The following CCDC148 variants were observed in gnomAD, a reference collection of about 807,000 sequenced individuals.
The protein encoded by CCDC148 is coiled-coil domain containing 148.
A neutral mutation model predicts 85.7 loss-of-function variants in CCDC148; 89 were observed. The observed-to-expected ratio is 1.04, with a 90% CI of 0.87 to 1.24. The LOEUF is 1.24. Ranked by LOEUF, CCDC148 falls within the 50% of genes most tolerant of loss-of-function variation. The probability of loss-of-function intolerance (pLI) is 0.00; values close to 1 mark genes in which losing one functional copy is unlikely to be tolerated. For missense variants in CCDC148, 692 were observed against 671.7 expected (o/e 1.03, Z -0.33); for synonymous variants, 230 against 213.9 (o/e 1.08, Z -0.66).
At chr2:158,345,644 A>G (rs1388595690) in intron 2 of CCDC148, among the ~76,000 whole-genome samples, 6 of 152,140 alleles carry the variant, frequency 3.9e-5, no homozygotes, top group African/African-American at 1.2e-4. Context: ...AAGAGGTTTC[A>G]TTTCTCCCCT....
intron 9 of CCDC148, among the ~76,000 whole-genome samples, chr2:158,256,164 CA>C (rs1379739790): frequency 6.6e-6 from 1 of 151,704 alleles, no homozygotes; most frequent in Non-Finnish European, 1.5e-5. Flanking sequence ...AATTTTACAT[CA>C]AAGTTGAGAG....
chr2:158,279,851 A>G (rs1690176169), intron 9 of CCDC148, among the ~76,000 whole-genome samples: 1 of 151,666 alleles, frequency 6.6e-6, no homozygotes, highest in East Asian at 1.9e-4. Context: ...GAAATGAAGG[A>G]AAAAATGTTA....
At chr2:158,336,746 C>T (rs926713578) in intron 7 of CCDC148, among the ~76,000 whole-genome samples, 1 of 152,036 alleles carries the variant, frequency 6.6e-6, no homozygotes, top group African/African-American at 2.4e-5. Flanking sequence ...TTTTCAAATT[C>T]AACTCAATTG....
chr2:158,256,790 C>T (rs939353662), intron 9 of CCDC148, among the ~76,000 whole-genome samples: 3 of 151,700 alleles, frequency 2.0e-5, no homozygotes, highest in Non-Finnish European at 2.9e-5. Flanking sequence ...GCCATTTGCT[C>T]CAGGAAGGCT....
chr2:158,290,440 G>C (rs1559047481), intron 9 of CCDC148, among the ~76,000 whole-genome samples: 1 of 152,112 alleles, frequency 6.6e-6, no homozygotes, highest in Non-Finnish European at 1.5e-5. Flanking sequence ...GCTCACTCCA[G>C]CCACACTGTT....
At chr2:158,292,013 T>C (rs1029030181) in intron 9 of CCDC148, among the ~76,000 whole-genome samples, 1 of 152,222 alleles carries the variant, frequency 6.6e-6, no homozygotes, top group Non-Finnish European at 1.5e-5. Flanking sequence ...ATGTCTTTTA[T>C]GGTCTTTTCA....
At chr2:158,182,069 A>G (rs1332479546) in intron 11 of CCDC148, among the ~76,000 whole-genome samples, 1 of 152,090 alleles carries the variant, frequency 6.6e-6, no homozygotes, top group Non-Finnish European at 1.5e-5. Context: ...TTTCTCTTAC[A>G]CAGTGAACAG....
At chr2:158,258,903 G>T (rs79728066) in intron 9 of CCDC148, among the ~76,000 whole-genome samples, 6,334 of 151,658 alleles carry the variant, frequency 0.042, 376 homozygotes, top group African/African-American at 0.13. Context: ...TGCTCATGGG[G>T]TAATGTGTAA....
chr2:158,220,658 T>G lies in CCDC148; in HGVS notation c.1307A>C (p.Asp436Ala), dbSNP rs377017642. 1.0e-5 allele frequency: 16 copies of G among 1,598,214 alleles called. No homozygotes were observed. In the East Asian group the frequency reaches 3.4e-4, roughly 34 times the overall value. The stretch of plus-strand genomic sequence containing the variant: ...CTTCAGTTCTTCTAGACGCTGAAGA[T>G]CTCTCATTTCCATTTCTTGCCACTT... ...KQKWQEMEMRDLQRLEELKKL... is the reference protein window; with the variant it reads ...KQKWQEMEMRALQRLEELKKL... Residue 436 changes from aspartate to alanine, a missense_variant, in exon 11 of 14, where the codon GAT becomes GCT. By Grantham distance (126) the Asp-to-Ala change is moderately radical (BLOSUM62 -2). Coordinates refer to ENST00000283233, the MANE Select transcript of CCDC148 (RefSeq NM_138803.4).
At chr2:158,311,656 T>G (rs1692026110) in intron 8 of CCDC148, among the ~76,000 whole-genome samples, 1 of 152,222 alleles carries the variant, frequency 6.6e-6, no homozygotes, top group African/African-American at 2.4e-5. Flanking sequence ...AGTTTTGGTA[T>G]TTTAACAATT....
chr2:158,196,600 C>T (rs12466131), intron 11 of CCDC148, among the ~76,000 whole-genome samples: 23,093 of 152,140 alleles, frequency 0.15, 2,227 homozygotes, highest in Non-Finnish European at 0.21. Flanking sequence ...GCTTTCCTTT[C>T]GATATGGTCC....
intron 10 of CCDC148, among the ~76,000 whole-genome samples, chr2:158,227,359 A>C (rs1182087263): frequency 6.6e-6 from 1 of 151,778 alleles, no homozygotes; most frequent in African/African-American, 2.4e-5. Context: ...AAGAATCAAT[A>C]TTGTGAAAAT....
chr2:158,315,635 T>C lies in CCDC148; in HGVS notation c.765-1741A>G, dbSNP rs192105784. The stretch of plus-strand genomic sequence containing the variant: ...GATTCACCTCTATAATGGATACTGT[T>C]GGTACCACACCCACATCGCCTTTAT... On this transcript the variant is annotated intron_variant, in intron 7 of 13. Transcript: ENST00000283233. Among the ~76,000 whole-genome samples the C allele has an allele frequency of 2.4e-3, 360 of 152,204 alleles. 1 individual carries two copies. The highest frequency in any genetic ancestry group is 4.0e-3 in the Non-Finnish European group (274 of 67,994).
chr2:158,398,486 C>T (rs1386549041), intron 1 of CCDC148, among the ~76,000 whole-genome samples: 1 of 152,140 alleles, frequency 6.6e-6, no homozygotes, highest in East Asian at 1.9e-4. Context: ...CTCAAAACCA[C>T]ACAACTACAT....
chr2:158,293,301 T>A (rs1440594953), intron 9 of CCDC148, among the ~76,000 whole-genome samples: 1 of 152,188 alleles, frequency 6.6e-6, no homozygotes, highest in Non-Finnish European at 1.5e-5. Context: ...ACTGGTAATA[T>A]ACCCTCATAG....
intron 1 of CCDC148, among the ~76,000 whole-genome samples, chr2:158,387,750 G>C (rs1004509784): frequency 3.3e-5 from 5 of 151,938 alleles, no homozygotes; most frequent in African/African-American, 1.2e-4. Flanking sequence ...CTCTGCTTGG[G>C]CACTGACACA....
chr2:158,435,405 T>C (rs1473652229), intron 1 of CCDC148, among the ~76,000 whole-genome samples: 1 of 152,116 alleles, frequency 6.6e-6, no homozygotes, highest in Non-Finnish European at 1.5e-5. Flanking sequence ...AGAAATAAAA[T>C]ACTTTACAGA....
intron 11 of CCDC148, among the ~76,000 whole-genome samples, chr2:158,179,367 C>T (rs189136939): frequency 2.6e-5 from 4 of 151,914 alleles, no homozygotes; most frequent in Admixed American, 1.3e-4. Context: ...CCATGTTGGC[C>T]AGGATGGTCT....
At position 158,224,796 on chromosome 2, in the gene CCDC148, A is replaced by T. The variant is rs564375324; in HGVS notation, c.1252-4083T>A. 2.2e-4 allele frequency among the ~76,000 whole-genome samples: 33 copies of T among 152,294 alleles called. No homozygotes were observed. The East Asian group carries it at 6.0e-3, about 28-fold the overall frequency. Reference sequence around the variant, plus strand: ...CCAGGCCTGCCCTAAAAGAGCTCCTAAAGGAAGCACTAAACATGGAAAGGA... The same window carrying T: ...CCAGGCCTGCCCTAAAAGAGCTCCTTAAGGAAGCACTAAACATGGAAAGGA... On this transcript the variant is annotated intron_variant, in intron 10 of 13. Coordinates refer to ENST00000283233, the MANE Select transcript of CCDC148 (RefSeq NM_138803.4).
Sources: gnomAD v4.1 joint callset for allele counts (sites outside exome capture counted in the v4.1 genomes callset) on GRCh38, gnomAD v4.1.1 for gene constraint, MANE v1.5 for transcripts, NCBI Gene and HGNC (gene_info 2026-07-23, HGNC 2026-07-21) for gene names.